The following NPLOC4 variants were observed in gnomAD, a reference collection of about 807,000 sequenced individuals.
The protein encoded by NPLOC4 is NPL4 homolog, ubiquitin recognition factor.
Under a neutral mutation model 80.6 loss-of-function variants are expected in NPLOC4, and 18 were observed. The observed-to-expected ratio is 0.22, with a 90% CI of 0.15 to 0.33. The LOEUF (loss-of-function observed/expected upper bound fraction) is 0.33, where lower values mean the gene tolerates loss of function less well. Ranked by LOEUF, NPLOC4 falls within the 10% of genes least tolerant of loss-of-function variation. The pLI is 1.00. For synonymous variants in NPLOC4, 313 were observed against 301.5 expected, an observed-to-expected ratio of 1.04 and a Z score of -0.39; for missense variants, 540 against 786.1, an observed-to-expected ratio of 0.69 and a Z score of 3.74.
intron 3 of NPLOC4, among the ~76,000 whole-genome samples, chr17:81,621,839 A>G (rs1051078583): frequency 2.0e-5 from 3 of 152,198 alleles, no homozygotes; most frequent in African/African-American, 7.2e-5. Flanking sequence ...TTCCCGGCAC[A>G]CAGCTGTGTT....
chr17:81,602,459 C>G (rs1010433236), intron 8 of NPLOC4, among the ~76,000 whole-genome samples: 1 of 151,978 alleles, frequency 6.6e-6, no homozygotes, highest in Admixed American at 6.6e-5. Context: ...AATCCCAACA[C>G]TTTGTGAGGC....
intron 12 of NPLOC4, among the ~76,000 whole-genome samples, chr17:81,579,024 G>A (rs916189636): frequency 1.2e-4 from 18 of 152,208 alleles, no homozygotes; most frequent in African/African-American, 3.1e-4. Flanking sequence ...GGGCTCAAGC[G>A]ATCCTCCTGC....
intron 16 of NPLOC4, chr17:81,564,934 G>A (rs1179266035): frequency 2.5e-5 from 6 of 236,126 alleles, no homozygotes; most frequent in African/African-American, 4.7e-5. Context: ...CAGGGCACTC[G>A]GGCTGCACGA....
rs2035150646 is a variant in NPLOC4 at position 81,604,647 on chromosome 17, C to G, written c.735G>C (p.Gly245=). The G allele has an allele frequency of 6.2e-7, 1 of 1,613,876 alleles. No individual in the cohort carries two copies. The highest frequency in any genetic ancestry group is 8.5e-7 in the Non-Finnish European group (1 of 1,179,854). ...DRFLDFWRKT[G]NQHFGYLYGR... is the part of the protein sequence containing the mutation. ...CGTATAAGTACCCAAAATGCTGGTT[C>G]CCTGTCTTTCTCCAGAAGTCAAGAA... Residue 245 remains glycine, a synonymous_variant, in exon 8 of 17, where the codon GGG becomes GGC. Transcript: ENST00000331134.
intron 9 of NPLOC4, among the ~76,000 whole-genome samples, chr17:81,597,850 C>T (rs2034958054): frequency 6.6e-6 from 1 of 150,814 alleles, no homozygotes; most frequent in Non-Finnish European, 1.5e-5. Flanking sequence ...AATTCCAACA[C>T]TTCGGGAGGC....
At chr17:81,619,476 G>C (rs529733008) in intron 3 of NPLOC4, among the ~76,000 whole-genome samples, 3 of 151,922 alleles carry the variant, frequency 2.0e-5, no homozygotes, top group East Asian at 1.9e-4. Context: ...TTGAACCCGG[G>C]GGGGCAGAGG....
chr17:81,569,047 A>G lies in NPLOC4; in HGVS notation c.1418T>C (p.Ile473Thr), dbSNP rs1200150721. 1.2e-6 allele frequency: 2 copies of G among 1,612,778 alleles called. No individual in the cohort carries two copies. Among genetic ancestry groups the G allele is most frequent in the Admixed American group, 3.3e-5 (2 of 60,026 alleles). ...TFSISQNPFP[I>T]ENRDVLGETQ... ...CTCACCCAATACATCCCGGTTTTCA[A>G]TAGGAAATGGATTTTGCGAAATAGA... The change falls in exon 14 of 17, where the codon ATT (isoleucine) becomes ACT (threonine). Residue 473 changes from isoleucine (I) to threonine (T), a missense_variant. This residue lies in a region of NPLOC4 where 251 missense variants were observed against 377.5 expected (regional missense o/e 0.66). Transcript: ENST00000331134.
Position 81,559,095 on chromosome 17 carries a change from A to G in NPLOC4, c.*164T>C, listed in dbSNP as rs915615852. On this transcript the variant is annotated 3_prime_UTR_variant, in exon 17 of 17. Coordinates refer to ENST00000331134, the MANE Select transcript of NPLOC4 (RefSeq NM_017921.4). The stretch of plus-strand genomic sequence containing the variant: ...CGTGGCGCCCGCTCTCCAGGGAGGA[A>G]CGTGCTGAGAAGCTTCAGTGGGTCA... 29 of 721,712 alleles carry G rather than the reference A, an allele frequency of 4.0e-5. No individual in the cohort carries two copies. Among genetic ancestry groups the G allele is most frequent in the Non-Finnish European group, 6.4e-5 (29 of 453,030 alleles). 44.7% of individuals were successfully genotyped at this position (721,712 alleles called of 1,614,324 possible).
intron 16 of NPLOC4, 58 bp downstream of exon 16, chr17:81,565,447 G>T: frequency 7.3e-7 from 1 of 1,376,114 alleles, no homozygotes; most frequent in Non-Finnish European, 1.0e-6. Flanking sequence ...GCTGTGCAGA[G>T]TGGGCTGCTC....
Position 81,636,030 on chromosome 17 carries a change from T to C in NPLOC4, c.15+886A>G, listed in dbSNP as rs2036061764. Among the ~76,000 whole-genome samples the C allele has an allele frequency of 1.3e-5, 2 of 151,808 alleles. 1 individual carries two copies. The highest frequency in any genetic ancestry group is 4.8e-5 in the African/African-American group (2 of 41,244). The stretch of plus-strand genomic sequence containing the variant: ...CTCTATAGCCCAGGCTGGAGTGCCA[T>C]GGAGGGATCTCAGCTCACTGTAACC... On this transcript the variant is annotated intron_variant, in intron 1 of 16. Coordinates refer to ENST00000331134, the MANE Select transcript of NPLOC4 (RefSeq NM_017921.4).
intron 16 of NPLOC4, among the ~76,000 whole-genome samples, chr17:81,560,209 G>T (rs1391218976): frequency 6.8e-6 from 1 of 147,754 alleles, no homozygotes; most frequent in African/African-American, 2.5e-5. Flanking sequence ...CTTGAAGTCA[G>T]GAGTTTGAGA....
At chr17:81,597,831 C>T (rs1158102967) in intron 9 of NPLOC4, among the ~76,000 whole-genome samples, 1 of 149,806 alleles carries the variant, frequency 6.7e-6, no homozygotes, top group East Asian at 2.0e-4. Flanking sequence ...TGTGGTGGCT[C>T]ACGCCTGTAA....
intron 16 of NPLOC4, chr17:81,563,333 A>C (rs1598613550): frequency 6.6e-6 from 1 of 151,074 alleles, no homozygotes; most frequent in Non-Finnish European, 1.5e-5. Context: ...TCAGCCTCCC[A>C]AAGTGCTGGG....
chr17:81,605,880 G>A (rs1251408010), intron 7 of NPLOC4, among the ~76,000 whole-genome samples: 1 of 149,630 alleles, frequency 6.7e-6, no homozygotes, highest in Non-Finnish European at 1.5e-5. Flanking sequence ...GGAGTGCAGT[G>A]GCGTGATTTT....
intron 1 of NPLOC4, chr17:81,636,515 G>A (rs1598704499): frequency 1.2e-5 from 2 of 167,712 alleles, no homozygotes; most frequent in Non-Finnish European, 2.6e-5. Context: ...GAATCAGAGG[G>A]AGATTAGGAT....
intron 3 of NPLOC4, among the ~76,000 whole-genome samples, chr17:81,619,728 A>C (rs1029189577): frequency 2.0e-5 from 3 of 150,886 alleles, no homozygotes; most frequent in African/African-American, 7.3e-5. Flanking sequence ...AAAATACAAA[A>C]ATTACCTGGG....
At position 81,621,773 on chromosome 17, in the gene NPLOC4, G is replaced by A. The variant is rs960653979; in HGVS notation, c.209+393C>T. ...TCCTGAATGACCAACTCTACAGGGT[G>A]GCATGGGCCACTGCAGTGGCAGCAC... On this transcript the variant is annotated intron_variant, in intron 3 of 16. Transcript: ENST00000331134. Among the ~76,000 whole-genome samples the A allele has an allele frequency of 5.3e-5, 8 of 152,170 alleles. No homozygotes were observed. The East Asian group carries it at 1.5e-3, about 29-fold the overall frequency.
At chr17:81,624,972 A>G (rs1282465860) in intron 2 of NPLOC4, among the ~76,000 whole-genome samples, 3 of 152,218 alleles carry the variant, frequency 2.0e-5, no homozygotes, top group Admixed American at 6.5e-5. Context: ...AGGGGGAATC[A>G]TCATCCACAA....
At chr17:81,626,495 G>A (rs942874825) in intron 2 of NPLOC4, among the ~76,000 whole-genome samples, 1 of 152,112 alleles carries the variant, frequency 6.6e-6, no homozygotes, top group Non-Finnish European at 1.5e-5. Flanking sequence ...CTGAAAGCCA[G>A]AGGTCAACGA....
Sources: gnomAD v4.1 joint callset for allele counts (sites outside exome capture counted in the v4.1 genomes callset) on GRCh38, gnomAD v4.1.1 for gene constraint, gnomAD v4.1.1 regional missense constraint, MANE v1.5 for transcripts, NCBI Gene and HGNC (gene_info 2026-07-23, HGNC 2026-07-21) for gene names.